Variants in SLIT3 observed in about 807,000 individuals in gnomAD.
SLIT3 encodes slit guidance ligand 3, also known as slit homolog 3 protein.
A neutral mutation model predicts 184.0 loss-of-function variants in SLIT3; 68 were observed. The ratio of observed to expected loss-of-function variants is 0.37; its 90% CI spans 0.30 to 0.45. The LOEUF (loss-of-function observed/expected upper bound fraction) is 0.45. SLIT3 is among the 20% of genes least tolerant of loss of function. The probability of loss-of-function intolerance (pLI) is 1.00; values close to 1 mark genes in which losing one functional copy is unlikely to be tolerated. For synonymous variants in SLIT3, 831 were observed against 828.6 expected, an observed-to-expected ratio of 1.00 and a Z score of -0.05; for missense variants, 1,707 against 2,026.0, an observed-to-expected ratio of 0.84 and a Z score of 3.02.
chr5:169,247,745 C>T (rs920943156), intron 2 of SLIT3, among the ~76,000 whole-genome samples: 14 of 152,140 alleles, frequency 9.2e-5, no homozygotes, highest in African/African-American at 2.4e-4. Context: ...GGACTATAGG[C>T]GCATGCCACC....
chr5:168,785,765 G>T, intron 12 of SLIT3, 142 bp downstream of exon 12: 1 of 629,174 alleles, frequency 1.6e-6, no homozygotes, highest in Admixed American at 2.8e-5. Flanking sequence ...GGAAACGGAG[G>T]TGAAGCGTGG....
At position 168,943,084 on chromosome 5, in the gene SLIT3, T is replaced by C. The variant is rs79023388; in HGVS notation, c.414-59748A>G. Among the ~76,000 whole-genome samples the C allele has an allele frequency of 8.4e-3, 1,277 of 152,242 alleles. 18 individuals carry two copies. The highest frequency in any genetic ancestry group is 0.029 in the African/African-American group (1,223 of 41,550). ...TAAGATAAATTATTAATATAAAAGATTGATTGGTAATTTACATCTTTCCAC... is the reference window on the plus strand; with the variant it reads ...TAAGATAAATTATTAATATAAAAGACTGATTGGTAATTTACATCTTTCCAC... On this transcript the variant is annotated intron_variant, in intron 4 of 35. Transcript: ENST00000519560.
chr5:169,233,274 C>T lies in SLIT3; in HGVS notation c.341+11431G>A, dbSNP rs564117901. 2.2e-4 allele frequency among the ~76,000 whole-genome samples: 34 copies of T among 152,316 alleles called. 1 individual carries two copies. The South Asian group carries it at 6.4e-3, about 29-fold the overall frequency. On this transcript the variant is annotated intron_variant, in intron 3 of 35. Coordinates refer to ENST00000519560, the MANE Select transcript of SLIT3 (RefSeq NM_003062.4). The stretch of plus-strand genomic sequence containing the variant: ...TCCAGACCTCGTGATCTGCCCACCT[C>T]GGCTTCCCAAAGTGCTGGGATTATA...
intron 4 of SLIT3, among the ~76,000 whole-genome samples, chr5:168,926,195 A>G (rs1204729648): frequency 6.7e-6 from 1 of 150,222 alleles, no homozygotes; most frequent in Non-Finnish European, 1.5e-5. Context: ...TTTTCATCCA[A>G]CAGGGTTCTC....
chr5:168,883,415 C>T (rs970507690), intron 4 of SLIT3, 79 bp from the exon 5 acceptor site: 13 of 1,122,004 alleles, frequency 1.2e-5, no homozygotes, highest in Non-Finnish European at 1.1e-5. Flanking sequence ...GATAACAATC[C>T]CCCCCACCCA....
chr5:169,063,829 G>A (rs997689968), intron 4 of SLIT3, among the ~76,000 whole-genome samples: 5 of 152,236 alleles, frequency 3.3e-5, no homozygotes, highest in Admixed American at 6.5e-5. Flanking sequence ...AGCAGAAGGA[G>A]TGGAAGGTGT....
rs747538364 is a variant in SLIT3 at position 168,665,461 on chromosome 5, A to G, written c.*993T>C. 2 of 152,260 alleles carry G rather than the reference A, an allele frequency of 1.3e-5. No individual in the cohort carries two copies. The highest frequency in any genetic ancestry group is 2.9e-5 in the Non-Finnish European group (2 of 68,098). 9.4% of individuals were successfully genotyped at this position (152,260 alleles called of 1,614,324 possible). ...CTGACTACCTTCTCTACTGGGATACATTCCAATGAAAAATTACCTGGAAGG... is the reference window on the plus strand; with the variant it reads ...CTGACTACCTTCTCTACTGGGATACGTTCCAATGAAAAATTACCTGGAAGG... On this transcript the variant is annotated 3_prime_UTR_variant, in exon 36 of 36. Transcript: ENST00000519560.
intron 3 of SLIT3, among the ~76,000 whole-genome samples, chr5:169,229,963 T>C (rs1024577583): frequency 2.0e-5 from 3 of 152,134 alleles, no homozygotes; most frequent in African/African-American, 7.2e-5. Context: ...CAAATGACCC[T>C]GAGACGAGGG....
intron 3 of SLIT3, among the ~76,000 whole-genome samples, chr5:169,240,111 G>A (rs1269339488): frequency 1.3e-5 from 2 of 151,804 alleles, no homozygotes; most frequent in Non-Finnish European, 2.9e-5. Context: ...GATTATTCCT[G>A]CTGACAGAGA....
chr5:168,843,492 G>C (rs750812486), intron 6 of SLIT3, among the ~76,000 whole-genome samples: 1 of 152,132 alleles, frequency 6.6e-6, no homozygotes, highest in East Asian at 1.9e-4. Context: ...ATCGTACCAT[G>C]GGAATTATTT....
intron 4 of SLIT3, among the ~76,000 whole-genome samples, chr5:169,042,173 A>C (rs1757468697): frequency 6.6e-6 from 1 of 152,156 alleles, no homozygotes. Context: ...CCAGAATCAC[A>C]CTTCCAGACA....
intron 6 of SLIT3, among the ~76,000 whole-genome samples, chr5:168,840,946 T>A (rs1250636653): frequency 6.6e-6 from 1 of 152,222 alleles, no homozygotes; most frequent in Admixed American, 6.5e-5. Flanking sequence ...CCTGCAAGTT[T>A]GATTTACCTT....
At chr5:168,994,149 G>T (rs1755427150) in intron 4 of SLIT3, 1 of 152,280 alleles carries the variant, frequency 6.6e-6, no homozygotes. Context: ...CCTGGAGTGG[G>T]ACAGCTGGGT....
In SLIT3 at chr5:168,923,936, A is replaced by T. The variant is rs539096829; in HGVS notation, c.414-40600T>A. ...GGTTACCGGAACACAGCCACGCTCA[A>T]TCATTTACATGTTGTCTACGGCTGC... On this transcript the variant is annotated intron_variant, in intron 4 of 35. Coordinates refer to ENST00000519560, the MANE Select transcript of SLIT3 (RefSeq NM_003062.4). Among the ~76,000 whole-genome samples, 23 of 152,370 alleles carry T rather than the reference A, an allele frequency of 1.5e-4. No individual in the cohort carries two copies. In the South Asian group the frequency reaches 1.9e-3, roughly 12 times the overall value.
chr5:169,262,881 C>T (rs1308810004), intron 1 of SLIT3, among the ~76,000 whole-genome samples: 1 of 152,178 alleles, frequency 6.6e-6, no homozygotes, highest in East Asian at 1.9e-4. Context: ...AATCCTACTG[C>T]TCTGTTATGG....
At chr5:168,690,138 C>CTTT (rs1341234574) in intron 29 of SLIT3, among the ~76,000 whole-genome samples, 2 of 138,126 alleles carry the variant, frequency 1.4e-5, no homozygotes, top group African/African-American at 2.6e-5. Flanking sequence ...TGTTTTCTTT[C>CTTT]TTTTTTTTTT....
In SLIT3 at chr5:168,839,772, A is replaced by T. The variant is rs370425246; in HGVS notation, c.557+4812T>A. ...TTTGAAAGGATGAACTATGCTTGGG[A>T]TTCCCAATCTTACCAGGGGCTCCCT... On this transcript the variant is annotated intron_variant, in intron 6 of 35. Transcript: ENST00000519560. 2.2e-4 allele frequency among the ~76,000 whole-genome samples: 34 copies of T among 152,316 alleles called. No homozygotes were observed. In the East Asian group the frequency reaches 2.5e-3, roughly 11 times the overall value.
At chr5:168,753,787 T>G (rs1754798868) in intron 17 of SLIT3, 77 bp downstream of exon 17, 1 of 1,534,462 alleles carries the variant, frequency 6.5e-7, no homozygotes, top group Non-Finnish European at 8.8e-7. Context: ...CCCACTTGCC[T>G]TCGTAGTCTG....
intron 4 of SLIT3, among the ~76,000 whole-genome samples, chr5:169,167,008 A>T (rs1306046942): frequency 1.3e-5 from 2 of 152,006 alleles, no homozygotes; most frequent in Non-Finnish European, 2.9e-5. Flanking sequence ...CATGTCTGAA[A>T]AACATTTTAA....
Sources: allele counts gnomAD v4.1 joint callset (sites outside exome capture counted in the v4.1 genomes callset), GRCh38; gene constraint gnomAD v4.1.1; transcripts MANE v1.5; gene names NCBI Gene and HGNC (gene_info 2026-07-23, HGNC 2026-07-21).